The following RCBTB2 variants were observed in gnomAD, a reference collection of about 807,000 sequenced individuals.
RCBTB2 encodes RCC1 and BTB domain-containing protein 2.
RCBTB2 carries 55 observed loss-of-function variants against 65.4 expected under a neutral mutation model. The ratio of observed to expected loss-of-function variants is 0.84; its 90% CI spans 0.68 to 1.05. RCBTB2 has a LOEUF of 1.05. Among genes scored for constraint, RCBTB2 ranks in the 50% least tolerant of loss-of-function variants. The pLI is 0.00. For missense variants in RCBTB2, 599 were observed against 680.1 expected (o/e 0.88, Z 1.33); for synonymous variants, 220 against 255.2 (o/e 0.86, Z 1.31).
chr13:48,504,902 A>T (rs1050162157), intron 10 of RCBTB2, among the ~76,000 whole-genome samples: 8 of 152,106 alleles, frequency 5.3e-5, no homozygotes, highest in African/African-American at 1.9e-4. Context: ...TGCTGTTCTC[A>T]TGTGCGGTAA....
rs142120538 is a variant in RCBTB2 at position 48,521,941 on chromosome 13, T to C, written c.-2A>G. On this transcript the variant is annotated 5_prime_UTR_variant, in exon 4 of 15. Coordinates refer to ENST00000344532, the MANE Select transcript of RCBTB2 (RefSeq NM_001268.4). ...GAAAAGAGGAAGTTCTTCTTCCATATGGACTCAGTCCTGGGCAGTCCCTGA... is the reference window on the plus strand; with the variant it reads ...GAAAAGAGGAAGTTCTTCTTCCATACGGACTCAGTCCTGGGCAGTCCCTGA... 67 of 1,613,766 alleles carry C rather than the reference T, an allele frequency of 4.2e-5. No individual in the cohort carries two copies. Among genetic ancestry groups the C allele is most frequent in the Admixed American group, 2.3e-4 (14 of 60,004 alleles).
chr13:48,499,962 A>C (rs1248285007), intron 12 of RCBTB2, among the ~76,000 whole-genome samples: 1 of 152,212 alleles, frequency 6.6e-6, no homozygotes, highest in African/African-American at 2.4e-5. Flanking sequence ...GTGGCCTGGG[A>C]AGCAGCCCCA....
intron 14 of RCBTB2, among the ~76,000 whole-genome samples, chr13:48,493,315 ACTCTCTCTCTCT>A (rs3085593): frequency 2.3e-4 from 17 of 75,074 alleles, no homozygotes; most frequent in African/African-American, 9.6e-4. Flanking sequence ...ACACACACAC[ACTCTCTCTCTCT>A]CTCTCTCTCT....
upstream of RCBTB2, among the ~76,000 whole-genome samples, chr13:48,535,456 A>G (rs1316519846): frequency 1.3e-5 from 2 of 152,090 alleles, no homozygotes; most frequent in African/African-American, 4.8e-5. Flanking sequence ...GGGTTTCGCC[A>G]TGTTGGCCAG....
At position 48,490,234 on chromosome 13, in the gene RCBTB2, G is replaced by T. The variant is rs1304300012; in HGVS notation, c.1533C>A (p.Cys511Ter). The T allele has an allele frequency of 6.2e-7, 1 of 1,613,354 alleles. No individual in the cohort carries two copies. The highest frequency in any genetic ancestry group is 8.5e-7 in the Non-Finnish European group (1 of 1,179,468). The change falls in exon 15 of 15, where the codon TGC (cysteine) becomes TGA (stop). Residue 511 changes from cysteine (C) to a stop codon, truncating the protein, a stop_gained. Transcript: ENST00000344532. LOFTEE classifies it high-confidence loss of function. Reference protein sequence around the residue: ...KYDAQDLEEFCFRFCINHLTV... With the variant: ...KYDAQDLEEF ...TCAGATGGTTTATGCAAAACCTGAA[G>T]CAGAATTCTTCTAAATCCTAGGAAC... is the stretch of plus-strand genomic sequence containing the variant.
chr13:48,521,371 AT>A (rs371776463), intron 4 of RCBTB2, among the ~76,000 whole-genome samples: 5 of 152,352 alleles, frequency 3.3e-5, no homozygotes, highest in African/African-American at 1.2e-4. Context: ...TATTATGTAA[AT>A]TTAACAAAAT....
chr13:48,499,152 T>A (rs1389247592), intron 13 of RCBTB2, among the ~76,000 whole-genome samples: 10 of 130,162 alleles, frequency 7.7e-5, no homozygotes, highest in African/African-American at 2.5e-4. Context: ...ACTCTCTCTC[T>A]CTCTCTCTCT....
intron 1 of RCBTB2, among the ~76,000 whole-genome samples, chr13:48,526,976 G>C (rs148787709): frequency 6.6e-6 from 1 of 152,138 alleles, no homozygotes; most frequent in African/African-American, 2.4e-5. Context: ...CATATCCAAT[G>C]AGTAGCATTT....
intron 10 of RCBTB2, among the ~76,000 whole-genome samples, chr13:48,503,808 C>T (rs1278658694): frequency 6.6e-6 from 1 of 152,222 alleles, no homozygotes; most frequent in Non-Finnish European, 1.5e-5. Flanking sequence ...CTTGGCCTCC[C>T]AGAGTGCTGG....
In RCBTB2 at chr13:48,499,777, G is replaced by A. The variant is rs1950150781; in HGVS notation, c.1245-17C>T. ...TGCTCACATCTGAAGGAAAAAAGCA[G>A]TATGTCAGGTCCTAGCTTCCCAGCC... On this transcript the variant is annotated splice_polypyrimidine_tract_variant and intron_variant, in intron 12 of 14. Coordinates refer to ENST00000344532, the MANE Select transcript of RCBTB2 (RefSeq NM_001268.4). 6.2e-7 allele frequency: 1 copy of A among 1,613,874 alleles called. No homozygotes were observed. The highest frequency in any genetic ancestry group is 1.3e-5 in the African/African-American group (1 of 74,944).
intron 13 of RCBTB2, among the ~76,000 whole-genome samples, chr13:48,497,444 C>T (rs1159212498): frequency 6.6e-6 from 1 of 152,214 alleles, no homozygotes; most frequent in Non-Finnish European, 1.5e-5. Flanking sequence ...AGGAAGTACT[C>T]TAATTGAAGC....
chr13:48,502,388 T>C (rs1469002101), intron 11 of RCBTB2, among the ~76,000 whole-genome samples: 7 of 151,634 alleles, frequency 4.6e-5, no homozygotes, highest in African/African-American at 7.3e-5. Context: ...AGCTACTCAA[T>C]AGGCTAAGGC....
At chr13:48,530,938 A>C (rs1952082169) in intron 1 of RCBTB2, among the ~76,000 whole-genome samples, 1 of 152,246 alleles carries the variant, frequency 6.6e-6, no homozygotes, top group South Asian at 2.1e-4. Context: ...TTCTCCCAGA[A>C]GAACATTTAT....
intron 14 of RCBTB2, among the ~76,000 whole-genome samples, chr13:48,491,377 G>C (rs1426800903): frequency 6.6e-6 from 1 of 152,134 alleles, no homozygotes; most frequent in Non-Finnish European, 1.5e-5. Flanking sequence ...CAGGCTGTTG[G>C]TACCACACCA....
intron 13 of RCBTB2, among the ~76,000 whole-genome samples, chr13:48,499,111 A>ACACACACACACACACACACACAC (rs1950107608): frequency 9.4e-6 from 1 of 105,858 alleles, no homozygotes; most frequent in African/African-American, 4.3e-5. Context: ...CCCCCACCCC[A>ACACACACACACACACACACACAC]ACACACACAC....
Position 48,512,320 on chromosome 13 carries a change from A to G in RCBTB2, c.517-146T>C. 4.5e-6 allele frequency: 3 copies of G among 666,116 alleles called. No homozygotes were observed. The South Asian group carries it at 5.7e-5, about 13-fold the overall frequency. 41.3% of individuals were successfully genotyped at this position (666,116 alleles called of 1,614,324 possible). ...TCACAACACAGGCAGAGAAGTGTTT[A>G]TAAAATGCATTCTTATACAATGTAC... On this transcript the variant is annotated intron_variant, in intron 7 of 14. Coordinates refer to ENST00000344532, the MANE Select transcript of RCBTB2 (RefSeq NM_001268.4).
rs1949618579 is a variant in RCBTB2, at chr13:48,489,743, C to T, written c.*368G>A. On this transcript the variant is annotated 3_prime_UTR_variant, in exon 15 of 15. Coordinates refer to ENST00000344532, the MANE Select transcript of RCBTB2 (RefSeq NM_001268.4). The stretch of plus-strand genomic sequence containing the variant: ...GAAAATGTGGTAAGGACAGACAGCA[C>T]TCCTTGTCAAGCTATCTATGTGGTA... The T allele has an allele frequency of 3.9e-6, 1 of 259,054 alleles. No homozygotes were observed. The allele number at this position is 259,054 out of a possible 1,614,324, so 16.0% of individuals were successfully genotyped here.
In RCBTB2 at chr13:48,490,015, T is replaced by C. The variant is rs1266516850; in HGVS notation, c.*96A>G. On this transcript the variant is annotated 3_prime_UTR_variant, in exon 15 of 15. Transcript: ENST00000344532. ...ACAGTTACAAGTACTCAGCCAAACA[T>C]AGCTCATCATACATACTATTAATTA... 1.3e-5 allele frequency: 17 copies of C among 1,351,766 alleles called. No homozygotes were observed. The highest frequency in any genetic ancestry group is 2.9e-5 in the African/African-American group (2 of 68,946). The allele number at this position is 1,351,766 out of a possible 1,614,324, so 83.7% of individuals were successfully genotyped here.
chr13:48,532,404 G>A (rs1952186397), intron 1 of RCBTB2: 1 of 152,560 alleles, frequency 6.6e-6, no homozygotes. Context: ...TACTGCCACT[G>A]AGTTAGTGAG....
Sources: allele counts gnomAD v4.1 joint callset (sites outside exome capture counted in the v4.1 genomes callset), GRCh38; gene constraint gnomAD v4.1.1; transcripts MANE v1.5; gene names NCBI Gene and HGNC (gene_info 2026-07-23, HGNC 2026-07-21).